The following STXBP6 variants were observed in gnomAD, a reference collection of about 807,000 sequenced individuals.
The protein encoded by STXBP6 is syntaxin-binding protein 6.
Under a neutral mutation model 26.9 loss-of-function variants are expected in STXBP6, and 21 were observed. That is an observed-to-expected ratio of 0.78 (90% CI 0.55 to 1.12). The LOEUF is 1.12. STXBP6 is among the 50% of genes most tolerant of loss of function. The pLI, the probability that STXBP6 is intolerant of heterozygous loss-of-function variation, is 0.00. For synonymous variants in STXBP6, 97 were observed against 92.6 expected, an observed-to-expected ratio of 1.05 and a Z score of -0.27; for missense variants, 232 against 257.9, an observed-to-expected ratio of 0.90 and a Z score of 0.69.
chr14:24,877,253 C>T (rs939697508), intron 2 of STXBP6, among the ~76,000 whole-genome samples: 2 of 152,128 alleles, frequency 1.3e-5, no homozygotes, highest in African/African-American at 4.8e-5. Context: ...ACCTCAAAAC[C>T]ATTTTATAAA....
intron 1 of STXBP6, among the ~76,000 whole-genome samples, chr14:25,017,554 A>G (rs139060424): frequency 6.6e-6 from 1 of 152,352 alleles, no homozygotes; most frequent in Non-Finnish European, 1.5e-5. Flanking sequence ...GCTTGACAGT[A>G]TAAGGTAAGG....
intron 2 of STXBP6, among the ~76,000 whole-genome samples, chr14:24,880,549 T>C (rs1031729167): frequency 1.3e-5 from 2 of 152,144 alleles, no homozygotes; most frequent in African/African-American, 4.8e-5. Flanking sequence ...GTGCAGAAAC[T>C]GTAGGCCAGG....
intron 4 of STXBP6, among the ~76,000 whole-genome samples, chr14:24,830,578 A>C (rs1346860217): frequency 2.0e-5 from 3 of 152,220 alleles, no homozygotes; most frequent in African/African-American, 7.2e-5. Context: ...GAGGGTGAAC[A>C]GATATGAGAA....
chr14:24,818,886 G>A (rs1463460537), intron 5 of STXBP6, 151 bp downstream of exon 5: 5 of 1,044,386 alleles, frequency 4.8e-6, no homozygotes, highest in South Asian at 2.1e-5. Context: ...CCACGACTCA[G>A]GTGTTTAGTA....
At chr14:24,938,487 A>G (rs1182409344) in intron 2 of STXBP6, among the ~76,000 whole-genome samples, 2 of 152,002 alleles carry the variant, frequency 1.3e-5, no homozygotes, top group East Asian at 3.9e-4. Context: ...CTGCCCCTAT[A>G]ATAATTTCTA....
At chr14:24,847,918 C>G (rs1379019907) in intron 4 of STXBP6, among the ~76,000 whole-genome samples, 1 of 152,154 alleles carries the variant, frequency 6.6e-6, no homozygotes, top group Non-Finnish European at 1.5e-5. Flanking sequence ...GCAACACAAT[C>G]AGCATTCTAT....
intron 2 of STXBP6, among the ~76,000 whole-genome samples, chr14:24,918,252 T>C (rs74040723): frequency 0.09 from 13,645 of 151,778 alleles, 691 homozygotes; most frequent in East Asian, 0.17. Context: ...TCTAAATGGG[T>C]AAACTTCAGG....
chr14:24,908,943 A>G (rs926410822), intron 2 of STXBP6, among the ~76,000 whole-genome samples: 1 of 152,256 alleles, frequency 6.6e-6, no homozygotes, highest in African/African-American at 2.4e-5. Context: ...AGAACATTAA[A>G]GAAGAGAAGA....
intron 1 of STXBP6, among the ~76,000 whole-genome samples, chr14:25,044,360 A>C (rs1362631265): frequency 1.3e-5 from 2 of 152,036 alleles, no homozygotes; most frequent in Non-Finnish European, 2.9e-5. Flanking sequence ...ATTCACCAGC[A>C]ATCTAATGTA....
At chr14:24,834,329 C>T (rs897070620) in intron 4 of STXBP6, among the ~76,000 whole-genome samples, 1 of 152,096 alleles carries the variant, frequency 6.6e-6, no homozygotes, top group African/African-American at 2.4e-5. Flanking sequence ...CTGTCTCTGG[C>T]CAACTTACAG....
chr14:24,855,671 T>C (rs1219348619), intron 4 of STXBP6, among the ~76,000 whole-genome samples: 2 of 152,096 alleles, frequency 1.3e-5, no homozygotes, highest in Non-Finnish European at 2.9e-5. Context: ...GTTCTCATCA[T>C]TCAAATAATC....
intron 2 of STXBP6, among the ~76,000 whole-genome samples, chr14:24,869,266 A>G (rs1171809160): frequency 6.6e-6 from 1 of 152,202 alleles, no homozygotes; most frequent in Admixed American, 6.5e-5. Flanking sequence ...GGGAAATAAA[A>G]AAAGAATAAG....
At chr14:24,853,317 G>A (rs558021114) in intron 4 of STXBP6, among the ~76,000 whole-genome samples, 1 of 152,124 alleles carries the variant, frequency 6.6e-6, no homozygotes, top group Admixed American at 6.6e-5. Context: ...AAGACTAATC[G>A]GCATACTAAT....
chr14:24,900,545 T>C (rs1264838798), intron 2 of STXBP6, among the ~76,000 whole-genome samples: 5 of 152,228 alleles, frequency 3.3e-5, no homozygotes, highest in Admixed American at 3.3e-4. Flanking sequence ...GTCAGATCTC[T>C]GTTGGGAGAG....
intron 2 of STXBP6, among the ~76,000 whole-genome samples, chr14:24,863,734 C>G (rs1260501245): frequency 1.3e-5 from 2 of 151,982 alleles, no homozygotes; most frequent in African/African-American, 4.8e-5. Context: ...GATTCAACAA[C>G]CCAAAAGGTT....
chr14:24,818,047 T>C (rs1210472190), intron 5 of STXBP6: 1 of 456,612 alleles, frequency 2.2e-6, no homozygotes, highest in Non-Finnish European at 4.4e-6. Flanking sequence ...TTATCCATCC[T>C]TGTTTCCTCA....
At chr14:24,840,685 C>T (rs2068758357) in intron 4 of STXBP6, among the ~76,000 whole-genome samples, 1 of 152,206 alleles carries the variant, frequency 6.6e-6, no homozygotes, top group African/African-American at 2.4e-5. Context: ...TCCCCACATA[C>T]AGGAGTTTGT....
chr14:24,813,324 A>G (rs1238422545), intron 5 of STXBP6, among the ~76,000 whole-genome samples: 2 of 152,220 alleles, frequency 1.3e-5, no homozygotes, highest in African/African-American at 2.4e-5. Flanking sequence ...GGTCTATTGA[A>G]ATATTAGGTC....
At chr14:24,838,389 C>A (rs1438561023) in intron 4 of STXBP6, among the ~76,000 whole-genome samples, 4 of 151,606 alleles carry the variant, frequency 2.6e-5, no homozygotes, top group African/African-American at 7.3e-5. Flanking sequence ...TGTGGACATT[C>A]AAAAAAAATG....
Sources: gnomAD v4.1 joint callset for allele counts (sites outside exome capture counted in the v4.1 genomes callset) on GRCh38, gnomAD v4.1.1 for gene constraint, MANE v1.5 for transcripts, NCBI Gene and HGNC (gene_info 2026-07-23, HGNC 2026-07-21) for gene names.